The following PI4KA variants were observed in gnomAD, a reference collection of about 807,000 sequenced individuals.
PI4KA encodes the protein PI4-kinase alpha.
PI4KA carries 122 observed loss-of-function variants against 271.4 expected under a neutral mutation model. That is an observed-to-expected ratio of 0.45 (90% confidence interval 0.39 to 0.52). The LOEUF is 0.52. PI4KA is among the 20% of genes least tolerant of loss of function. The probability of loss-of-function intolerance (pLI) is 0.00; values close to 1 mark genes in which losing one functional copy is unlikely to be tolerated. For synonymous variants in PI4KA, 1,041 were observed against 1,078.8 expected (o/e 0.96, Z 0.69); for missense variants, 1,969 against 2,769.1 (o/e 0.71, Z 6.48).
At chr22:20,751,858 GC>G in intron 25 of PI4KA, 103 bp from the exon 26 acceptor site, 1 of 954,034 alleles carries the variant, frequency 1.0e-6, no homozygotes, top group Non-Finnish European at 1.6e-6. Flanking sequence ...TCTGCTTCAG[GC>G]CAGCTGAAGG....
At chr22:20,829,630 G>T in intron 3 of PI4KA, among the ~76,000 whole-genome samples, 1 of 149,874 alleles carries the variant, frequency 6.7e-6, no homozygotes, top group South Asian at 2.1e-4. Flanking sequence ...TTGATCTTCT[G>T]TATGGTTTTC....
chr22:20,769,098 C>T (rs897087662), intron 19 of PI4KA, among the ~76,000 whole-genome samples: 10 of 152,134 alleles, frequency 6.6e-5, no homozygotes, highest in African/African-American at 9.7e-5. Context: ...GAAAGGGTTG[C>T]GCTTCTAGAA....
chr22:20,801,056 A>AC (rs1323944100), intron 14 of PI4KA, among the ~76,000 whole-genome samples: 7 of 145,234 alleles, frequency 4.8e-5, no homozygotes, highest in Non-Finnish European at 9.1e-5. Flanking sequence ...ACGCCCGGCT[A>AC]ATTTTTTGTA....
At chr22:20,834,096 G>A (rs1924562595) in intron 3 of PI4KA, among the ~76,000 whole-genome samples, 1 of 152,080 alleles carries the variant, frequency 6.6e-6, no homozygotes, top group Non-Finnish European at 1.5e-5. Flanking sequence ...CTGGAACTTA[G>A]AAACAAAGTG....
rs1258013702 is a variant in PI4KA at position 20,834,656 on chromosome 22, C to A, written c.274-1G>T. ...GGTAAGGAACCACACAATCTTTGTG[C>A]TAAAAAATAATAAGAAGAATAATAA... On this transcript the variant is annotated splice_acceptor_variant, in intron 2 of 54. Transcript: ENST00000255882. LOFTEE classifies it high-confidence loss of function. The A allele has an allele frequency of 3.2e-6, 5 of 1,575,426 alleles. No individual in the cohort carries two copies. The highest frequency in any genetic ancestry group is 1.3e-5 in the African/African-American group (1 of 74,080).
intron 32 of PI4KA, among the ~76,000 whole-genome samples, chr22:20,737,634 C>CTTTT (rs760945752): frequency 5.7e-5 from 8 of 141,314 alleles, no homozygotes; most frequent in Middle Eastern, 3.7e-3. Flanking sequence ...TACTCTTTTT[C>CTTTT]TTTTTTTTTT....
intron 25 of PI4KA, 103 bp from the exon 26 acceptor site, chr22:20,751,858 G>T: frequency 1.0e-6 from 1 of 954,034 alleles, no homozygotes; most frequent in Non-Finnish European, 1.6e-6. Flanking sequence ...TCTGCTTCAG[G>T]CCAGCTGAAG....
In PI4KA at chr22:20,751,695, G is replaced by C; in HGVS notation, c.3048C>G (p.Thr1016=). The C allele has an allele frequency of 6.2e-7, 1 of 1,613,966 alleles. No individual in the cohort carries two copies. The highest frequency in any genetic ancestry group is 8.5e-7 in the Non-Finnish European group (1 of 1,179,896). Residue 1016 remains threonine, a synonymous_variant, in exon 26 of 55, where the codon ACC becomes ACG. Transcript: ENST00000255882. ...VLKTMLDILQ[T]LSLSLSADIH... ...TCACAGCGCTCAGTGACAGTGACAG[G>C]GTCTGCAGGATGTCCAGCATGGTCT... is the stretch of plus-strand genomic sequence containing the variant.
chr22:20,768,288 T>C (rs1932715059), intron 19 of PI4KA, among the ~76,000 whole-genome samples: 1 of 152,030 alleles, frequency 6.6e-6, no homozygotes, highest in Admixed American at 6.6e-5. Flanking sequence ...CCCAGGGTGG[T>C]ATTAAACTCC....
At chr22:20,814,129 T>C (rs1921424546) in intron 7 of PI4KA, among the ~76,000 whole-genome samples, 2 of 151,846 alleles carry the variant, frequency 1.3e-5, no homozygotes, top group Admixed American at 6.6e-5. Flanking sequence ...TGAAGAGATA[T>C]GAAAGCTTGG....
intron 19 of PI4KA, among the ~76,000 whole-genome samples, chr22:20,771,828 C>A (rs543152837): frequency 6.6e-6 from 1 of 152,018 alleles, no homozygotes; most frequent in African/African-American, 2.4e-5. Flanking sequence ...GTGATCCACC[C>A]GCCTTGGCCT....
chr22:20,824,781 A>C (rs762302965), intron 3 of PI4KA, among the ~76,000 whole-genome samples: 121 of 136,578 alleles, frequency 8.9e-4, no homozygotes, highest in South Asian at 2.0e-3. Context: ...CACACACACA[A>C]AACACTCGGC....
At chr22:20,720,989 C>T (rs989645764) in intron 43 of PI4KA, among the ~76,000 whole-genome samples, 3 of 152,236 alleles carry the variant, frequency 2.0e-5, no homozygotes, top group Non-Finnish European at 4.4e-5. Context: ...CTGACGGCCC[C>T]TTCCTCACAT....
intron 28 of PI4KA, 125 bp from the exon 29 acceptor site, chr22:20,747,827 T>TA (rs1439190879): frequency 4.7e-6 from 4 of 851,426 alleles, no homozygotes; most frequent in Middle Eastern, 3.5e-4. Context: ...CTCGACCTCT[T>TA]AGACTCAAGC....
intron 40 of PI4KA, 26 bp downstream of exon 40, chr22:20,727,748 A>G (rs759114160): frequency 6.4e-7 from 1 of 1,569,096 alleles, no homozygotes; most frequent in Non-Finnish European, 8.8e-7. Context: ...GTTTGAACTC[A>G]GGCCCTGGTA....
chr22:20,821,579 A>G (rs1003155261), intron 4 of PI4KA, among the ~76,000 whole-genome samples: 3 of 138,722 alleles, frequency 2.2e-5, no homozygotes, highest in Admixed American at 7.5e-5. Flanking sequence ...TATGCCTATA[A>G]TCCCAGCACT....
intron 46 of PI4KA, 28 bp from the exon 47 acceptor site, chr22:20,714,556 C>G (rs201149409): frequency 6.2e-7 from 1 of 1,613,948 alleles, no homozygotes; most frequent in East Asian, 2.2e-5. Flanking sequence ...AATGTGGCAC[C>G]CATGATGCAG....
At chr22:20,817,806 T>C (rs1922038986) in intron 7 of PI4KA, among the ~76,000 whole-genome samples, 1 of 132,468 alleles carries the variant, frequency 7.5e-6, no homozygotes, top group African/African-American at 2.8e-5. Context: ...TTCTTTAATA[T>C]TATCTACATA....
At chr22:20,724,643 A>T (rs1208038191) in intron 42 of PI4KA, among the ~76,000 whole-genome samples, 1 of 152,052 alleles carries the variant, frequency 6.6e-6, no homozygotes, top group African/African-American at 2.4e-5. Flanking sequence ...TTCCCTAAAA[A>T]TGGAAAGCAA....
Sources: allele counts gnomAD v4.1 joint callset (sites outside exome capture counted in the v4.1 genomes callset), GRCh38; gene constraint gnomAD v4.1.1; transcripts MANE v1.5; gene names NCBI Gene and HGNC (gene_info 2026-07-23, HGNC 2026-07-21).